The following ERBB4 variants were observed in gnomAD, a reference collection of about 807,000 sequenced individuals.
ERBB4 encodes erb-b2 receptor tyrosine kinase 4, also known as receptor tyrosine-protein kinase erbB-4.
A neutral mutation model predicts 158.0 loss-of-function variants in ERBB4; 42 were observed. That is an observed-to-expected ratio of 0.27 (90% CI 0.21 to 0.34). The LOEUF is 0.34. ERBB4 is among the 10% of genes least tolerant of loss of function. The pLI is 1.00. For missense variants in ERBB4, 1,333 were observed against 1,624.1 expected, an observed-to-expected ratio of 0.82 and a Z score of 3.08; for synonymous variants, 583 against 558.7, an observed-to-expected ratio of 1.04 and a Z score of -0.61.
Position 211,447,751 on chromosome 2 carries a change from G to A in ERBB4, c.2488-16651C>T, listed in dbSNP as rs562721425. Reference sequence around the variant, plus strand: ...CTGCATATTGTGGTTGCATGTAAATGTTTGCCAGTGTCAGGAGATTCAAGC... The same window carrying A: ...CTGCATATTGTGGTTGCATGTAAATATTTGCCAGTGTCAGGAGATTCAAGC... On this transcript the variant is annotated intron_variant, in intron 20 of 27. Transcript: ENST00000342788. Among the ~76,000 whole-genome samples, 5 of 152,242 alleles carry A rather than the reference G, an allele frequency of 3.3e-5. No individual in the cohort carries two copies. In the East Asian group the frequency reaches 5.8e-4, roughly 18 times the overall value.
intron 5 of ERBB4, among the ~76,000 whole-genome samples, chr2:211,725,955 C>T (rs73085022): frequency 0.01 from 1,542 of 152,216 alleles, 30 homozygotes; most frequent in African/African-American, 0.035. Flanking sequence ...TCCAAGCTGA[C>T]AGCATCATAT....
chr2:211,649,174 C>T (rs1181360736), intron 16 of ERBB4, among the ~76,000 whole-genome samples: 1 of 151,740 alleles, frequency 6.6e-6, no homozygotes, highest in Non-Finnish European at 1.5e-5. Flanking sequence ...CAGAAGTAGG[C>T]TTAATAGCTA....
intron 1 of ERBB4, among the ~76,000 whole-genome samples, chr2:212,235,547 A>T (rs944303009): frequency 6.6e-6 from 1 of 152,072 alleles, no homozygotes; most frequent in African/African-American, 2.4e-5. Flanking sequence ...TGAATCTATA[A>T]ATTACTTTGG....
chr2:211,478,333 A>G (rs2065005835), intron 20 of ERBB4, among the ~76,000 whole-genome samples: 1 of 152,170 alleles, frequency 6.6e-6, no homozygotes, highest in Non-Finnish European at 1.5e-5. Context: ...TGAAGAAAAA[A>G]GTGATAGTAT....
intron 15 of ERBB4, among the ~76,000 whole-genome samples, chr2:211,660,656 G>A (rs2071392485): frequency 6.6e-6 from 1 of 152,250 alleles, no homozygotes. Flanking sequence ...GGGAAAGAAG[G>A]CATGAGTATA....
chr2:211,880,489 GACTAT>G (rs1412557236), intron 3 of ERBB4, among the ~76,000 whole-genome samples: 1 of 152,020 alleles, frequency 6.6e-6, no homozygotes, highest in Non-Finnish European at 1.5e-5. Flanking sequence ...TTGTTTACTT[GACTAT>G]ACATAAGGGG....
At chr2:211,387,815 G>C in intron 26 of ERBB4, 130 bp downstream of exon 26, 2 of 768,888 alleles carry the variant, frequency 2.6e-6, no homozygotes, top group Non-Finnish European at 2.4e-6. Flanking sequence ...GCAGCTACAC[G>C]ATGTACACCA....
intron 3 of ERBB4, among the ~76,000 whole-genome samples, chr2:211,853,878 AAGG>A (rs1370169431): frequency 1.3e-5 from 2 of 152,104 alleles, no homozygotes; most frequent in African/African-American, 4.8e-5. Context: ...ATGACTTAAA[AAGG>A]AGTCATCACC....
chr2:212,446,619 ATATATATATATATATATATC>A (rs2092360523), intron 1 of ERBB4, among the ~76,000 whole-genome samples: 1 of 59,784 alleles, frequency 1.7e-5, no homozygotes, highest in African/African-American at 6.5e-5. Context: ...ATATATATAT[ATATATATATATATATATATC>A]CTATTAGTTC....
At chr2:211,447,402 G>T (rs1030848229) in intron 20 of ERBB4, among the ~76,000 whole-genome samples, 5 of 151,976 alleles carry the variant, frequency 3.3e-5, no homozygotes, top group Non-Finnish European at 1.5e-5. Context: ...ATACTCTATG[G>T]AAGGCTTTTG....
chr2:212,166,052 C>A (rs549123284), intron 1 of ERBB4, among the ~76,000 whole-genome samples: 2 of 145,080 alleles, frequency 1.4e-5, no homozygotes, highest in East Asian at 2.0e-4. Flanking sequence ...GATAACATCA[C>A]AATCATTTTT....
At chr2:212,351,810 G>A (rs1298131197) in intron 1 of ERBB4, among the ~76,000 whole-genome samples, 1 of 152,088 alleles carries the variant, frequency 6.6e-6, no homozygotes, top group Non-Finnish European at 1.5e-5. Context: ...AGATAATCAT[G>A]TTGCTAAGGT....
chr2:211,706,502 C>T (rs1034286464), intron 9 of ERBB4, among the ~76,000 whole-genome samples: 15 of 151,720 alleles, frequency 9.9e-5, no homozygotes, highest in African/African-American at 9.7e-5. Flanking sequence ...GTATCAGTTC[C>T]AGCAACCTTG....
At chr2:212,455,726 T>C (rs901757499) in intron 1 of ERBB4, among the ~76,000 whole-genome samples, 5 of 152,014 alleles carry the variant, frequency 3.3e-5, no homozygotes, top group African/African-American at 4.8e-5. Flanking sequence ...GAAAAATGAG[T>C]TTTTAAAGTG....
rs1443296797 is a variant in ERBB4 at position 211,624,049 on chromosome 2, A to G, written c.2080-5T>C. The G allele has an allele frequency of 6.2e-7, 1 of 1,614,084 alleles. No individual in the cohort carries two copies. The highest frequency in any genetic ancestry group is 1.1e-5 in the South Asian group (1 of 91,088). On this transcript the variant is annotated splice_region_variant and splice_polypyrimidine_tract_variant and intron_variant, in intron 17 of 27. Coordinates refer to ENST00000342788, the MANE Select transcript of ERBB4 (RefSeq NM_005235.3). ...GGGAGTTAATGGTTCCACCAACTGC[A>G]AAGCGGAAAGAAGAAGGTTATACTT...
At chr2:211,869,413 CATG>C (rs2078286732) in intron 3 of ERBB4, among the ~76,000 whole-genome samples, 1 of 152,172 alleles carries the variant, frequency 6.6e-6, no homozygotes, top group Non-Finnish European at 1.5e-5. Context: ...TTTCATCTAA[CATG>C]ATATTTCCAA....
intron 1 of ERBB4, among the ~76,000 whole-genome samples, chr2:212,530,233 A>T (rs1029635405): frequency 6.6e-6 from 1 of 152,174 alleles, no homozygotes; most frequent in African/African-American, 2.4e-5. Context: ...AATCTTGGGG[A>T]GTAGCTTTTA....
chr2:211,670,271 T>C (rs987447095), intron 14 of ERBB4, among the ~76,000 whole-genome samples: 5 of 152,166 alleles, frequency 3.3e-5, no homozygotes, highest in South Asian at 2.1e-4. Flanking sequence ...AACCAAACCA[T>C]AGTGGGAGCA....
At chr2:211,665,261 G>A in intron 15 of ERBB4, 62 bp downstream of exon 15, 2 of 1,509,276 alleles carry the variant, frequency 1.3e-6, no homozygotes, top group Non-Finnish European at 1.8e-6. Flanking sequence ...GATGGTACCA[G>A]GGATAAAGAT....
Sources: allele counts gnomAD v4.1 joint callset (sites outside exome capture counted in the v4.1 genomes callset), GRCh38; gene constraint gnomAD v4.1.1; transcripts MANE v1.5; gene names NCBI Gene and HGNC (gene_info 2026-07-23, HGNC 2026-07-21).